ACSL3: variants seen among roughly 807,000 people sequenced by gnomAD.
ACSL3 encodes acyl-CoA synthetase long chain family member 3.
Under a neutral mutation model 84.7 loss-of-function variants are expected in ACSL3, and 34 were observed. That is an observed-to-expected ratio of 0.40 (90% CI 0.31 to 0.53). The LOEUF is 0.53. Ranked by LOEUF, ACSL3 falls within the 20% of genes least tolerant of loss-of-function variation. The pLI is 0.48. For missense variants in ACSL3, 680 were observed against 873.1 expected (o/e 0.78, Z 2.79); for synonymous variants, 315 against 299.4 (o/e 1.05, Z -0.54).
chr2:222,877,675 A>C (rs1695485135), intron 1 of ACSL3, among the ~76,000 whole-genome samples: 1 of 152,180 alleles, frequency 6.6e-6, no homozygotes, highest in Non-Finnish European at 1.5e-5. Flanking sequence ...GGCATATGTA[A>C]TGCCTATATA....
intron 4 of ACSL3, among the ~76,000 whole-genome samples, chr2:222,914,241 G>A (rs1286133560): frequency 2.0e-4 from 9 of 45,480 alleles, no homozygotes; most frequent in African/African-American, 5.7e-4. Flanking sequence ...GTACGTGTGT[G>A]TGTGTGTGTG....
At position 222,891,429 on chromosome 2, in the gene ACSL3, A is replaced by G. The variant is rs182958850; in HGVS notation, c.-148+3541A>G. ...AGTGTATGTGTTTATGCACATATGCATGTGTGTATATGTATTTAAAATCCC... is the reference window on the plus strand; with the variant it reads ...AGTGTATGTGTTTATGCACATATGCGTGTGTGTATATGTATTTAAAATCCC... On this transcript the variant is annotated intron_variant, in intron 2 of 16. Transcript: ENST00000357430. Among the ~76,000 whole-genome samples the G allele has an allele frequency of 2.3e-4, 35 of 152,348 alleles. No homozygotes were observed. The East Asian group carries it at 5.8e-3, about 25-fold the overall frequency.
chr2:222,929,792 T>G (rs922493391), intron 13 of ACSL3, among the ~76,000 whole-genome samples: 6 of 151,784 alleles, frequency 4.0e-5, no homozygotes, highest in East Asian at 1.9e-4. Flanking sequence ...AATAAATAAA[T>G]AAAGAAAGAT....
intron 16 of ACSL3, among the ~76,000 whole-genome samples, chr2:222,936,215 T>C (rs11695891): frequency 0.81 from 122,910 of 152,192 alleles, 49,777 homozygotes; most frequent in East Asian, 0.96. Context: ...GTGATGAACA[T>C]AGATGTGCAA....
intron 1 of ACSL3, among the ~76,000 whole-genome samples, chr2:222,882,652 C>T (rs1402893980): frequency 1.3e-5 from 2 of 152,008 alleles, no homozygotes; most frequent in Non-Finnish European, 2.9e-5. Context: ...ACTTGCTCAC[C>T]TGCTGTTGCC....
At chr2:222,906,304 G>A (rs1234616046) in intron 3 of ACSL3, among the ~76,000 whole-genome samples, 1 of 152,176 alleles carries the variant, frequency 6.6e-6, no homozygotes, top group Non-Finnish European at 1.5e-5. Flanking sequence ...ATTTTCAGCA[G>A]GGCTTTCTTT....
chr2:222,901,416 T>C (rs560784777), intron 3 of ACSL3, among the ~76,000 whole-genome samples: 1 of 152,354 alleles, frequency 6.6e-6, no homozygotes, highest in South Asian at 2.1e-4. Flanking sequence ...TCTATCTGTC[T>C]GTCCTTTTGC....
At chr2:222,910,922 C>T (rs1166032027) in intron 4 of ACSL3, among the ~76,000 whole-genome samples, 1 of 152,134 alleles carries the variant, frequency 6.6e-6, no homozygotes, top group Non-Finnish European at 1.5e-5. Flanking sequence ...TAGCACATTT[C>T]TAGAAATTGA....
rs537081696 is a variant in ACSL3, at chr2:222,944,336, T to C, written c.*2682T>C. ...CTGTGATACAACTTTGAAAAAACTT[T>C]TAAAAATCTCTGATGTGTGGGCTCT... On this transcript the variant is annotated 3_prime_UTR_variant, in exon 17 of 17. Transcript: ENST00000357430. 6.6e-5 allele frequency: 10 copies of C among 152,284 alleles called. No individual in the cohort carries two copies. Among genetic ancestry groups the C allele is most frequent in the African/African-American group, 2.4e-4 (10 of 41,574 alleles). 9.4% of individuals were successfully genotyped at this position (152,284 alleles called of 1,614,324 possible). A position where few individuals can be genotyped will look rare whatever the true frequency, so the allele number is the denominator to read the frequency against.
At chr2:222,928,734 T>C (rs925349000) in intron 12 of ACSL3, 128 bp from the exon 13 acceptor site, 16 of 827,552 alleles carry the variant, frequency 1.9e-5, no homozygotes, top group Non-Finnish European at 2.7e-5. Context: ...AATATGTGAC[T>C]TCTGCTTTTA....
At position 222,923,119 on chromosome 2, in the gene ACSL3, G is replaced by T; in HGVS notation, c.1122G>T (p.Met374Ile). The T allele has an allele frequency of 2.5e-6, 4 of 1,613,968 alleles. No homozygotes were observed. Among genetic ancestry groups the T allele is most frequent in the Non-Finnish European group, 3.4e-6 (4 of 1,179,902 alleles). The change falls in exon 10 of 17, where the codon ATG (methionine) becomes ATT (isoleucine). Residue 374 changes from methionine to isoleucine, a missense_variant. Coordinates refer to ENST00000357430, the MANE Select transcript of ACSL3 (RefSeq NM_004457.5). ...AAGGAAGCAAAGGGGATACATCCAT[G>T]TTGAAACCAACACTGATGGCAGCAG... ...IKKGSKGDTS[M>I]LKPTLMAAVP... is the part of the protein sequence containing the mutation.
In ACSL3 at chr2:222,934,626, G is replaced by C. The variant is rs1463376382; in HGVS notation, c.1944G>C (p.Leu648=). 2 of 1,609,696 alleles carry C rather than the reference G, an allele frequency of 1.2e-6. No homozygotes were observed. Among genetic ancestry groups the C allele is most frequent in the Middle Eastern group, 1.6e-4 (1 of 6,062 alleles). The part of the protein sequence containing the change: ...KKGLKGTWEE[L]CNSCEMENEV... ...GACTTAAAGGGACTTGGGAGGAGCT[G>C]TGTAACAGTTGTGAAATGGAAAATG... The change falls in exon 16 of 17, where the codon CTG becomes CTC. Residue 648 remains leucine, a synonymous_variant. Transcript: ENST00000357430.
intron 5 of ACSL3, 198 bp downstream of exon 5, chr2:222,916,694 C>A: frequency 2.0e-6 from 1 of 506,930 alleles, no homozygotes; most frequent in Non-Finnish European, 3.3e-6. Context: ...ATCAGTGTTG[C>A]AGTGAGGCTT....
intron 2 of ACSL3, among the ~76,000 whole-genome samples, chr2:222,894,007 T>C (rs1695909351): frequency 6.6e-6 from 1 of 152,198 alleles, no homozygotes. Context: ...GAAGCTTTCA[T>C]ATGAGCATTT....
chr2:222,939,769 C>T (rs1207973474), intron 16 of ACSL3, among the ~76,000 whole-genome samples: 1 of 152,134 alleles, frequency 6.6e-6, no homozygotes, highest in African/African-American at 2.4e-5. Context: ...GTTTCTTACA[C>T]AGGCAATAAA....
At position 222,942,554 on chromosome 2, in the gene ACSL3, A is replaced by G. The variant is rs1015292487; in HGVS notation, c.*900A>G. 2 of 195,626 alleles carry G rather than the reference A, an allele frequency of 1.0e-5. No homozygotes were observed. Among genetic ancestry groups the G allele is most frequent in the African/African-American group, 4.6e-5 (2 of 43,312 alleles). 12.1% of individuals were successfully genotyped at this position (195,626 alleles called of 1,614,324 possible). On this transcript the variant is annotated 3_prime_UTR_variant, in exon 17 of 17. Coordinates refer to ENST00000357430, the MANE Select transcript of ACSL3 (RefSeq NM_004457.5). ...TGAATATTTCGTTGACTATATGTAC[A>G]TTGAGTTATCTATATTTGTAAACAA...
chr2:222,915,698 T>C (rs1407063682), intron 4 of ACSL3, among the ~76,000 whole-genome samples: 1 of 152,230 alleles, frequency 6.6e-6, no homozygotes, highest in African/African-American at 2.4e-5. Context: ...AGTAAGCATT[T>C]AAGGCTTGAA....
rs1454125368 is a variant in ACSL3, at chr2:222,944,033, A to C, written c.*2379A>C. 1 of 152,166 alleles carries C rather than the reference A, an allele frequency of 6.6e-6. No individual in the cohort carries two copies. Among genetic ancestry groups the C allele is most frequent in the Admixed American group, 6.5e-5 (1 of 15,270 alleles). 9.4% of individuals were successfully genotyped at this position (152,166 alleles called of 1,614,324 possible). A position where few individuals can be genotyped will look rare whatever the true frequency, so the allele number is the denominator to read the frequency against. ...CAGTAAGTTTAGCAACTTAGAGCCA[A>C]GACTGGTGGCCACCTCCATTTATTT... On this transcript the variant is annotated 3_prime_UTR_variant, in exon 17 of 17. Transcript: ENST00000357430.
Position 222,901,186 on chromosome 2 carries a change from A to G in ACSL3, c.-41+406A>G, listed in dbSNP as rs181185206. Among the ~76,000 whole-genome samples the G allele has an allele frequency of 3.8e-3, 586 of 152,350 alleles. 2 individuals are homozygous for G. Among genetic ancestry groups the G allele is most frequent in the Middle Eastern group, 0.02 (6 of 294 alleles). ...TTTACTGTACTCTTCCTGAAGCACC[A>G]TTAACACTTGATTAATACTTACCTT... On this transcript the variant is annotated intron_variant, in intron 3 of 16. Transcript: ENST00000357430.
Sources: allele counts gnomAD v4.1 joint callset (sites outside exome capture counted in the v4.1 genomes callset), GRCh38; gene constraint gnomAD v4.1.1; transcripts MANE v1.5; gene names NCBI Gene and HGNC (gene_info 2026-07-23, HGNC 2026-07-21).